The following SNTG2 variants were observed in gnomAD, a reference collection of about 807,000 sequenced individuals.
The protein encoded by SNTG2 is syntrophin gamma 2, also known as gamma-2-syntrophin.
Under a neutral mutation model 70.9 loss-of-function variants are expected in SNTG2, and 74 were observed. The ratio of observed to expected loss-of-function variants is 1.04; its 90% CI spans 0.86 to 1.27. The LOEUF (loss-of-function observed/expected upper bound fraction) is 1.27. Among genes scored for constraint, SNTG2 ranks in the 50% most tolerant of loss-of-function variants. The pLI is 0.00. For synonymous variants in SNTG2, 278 were observed against 273.8 expected, an observed-to-expected ratio of 1.02 and a Z score of -0.15; for missense variants, 717 against 690.7, an observed-to-expected ratio of 1.04 and a Z score of -0.43.
rs558424273 is a variant in SNTG2, at chr2:1,103,322, A to G, written c.325+4912A>G. 214 of 249,972 alleles carry G rather than the reference A, an allele frequency of 8.6e-4. 1 individual carries two copies. The highest frequency in any genetic ancestry group is 1.5e-3 in the Non-Finnish European group (174 of 118,844). The allele number at this position is 249,972 out of a possible 1,614,324, so 15.5% of individuals were successfully genotyped here. A position where few individuals can be genotyped will look rare whatever the true frequency, so the allele number is the denominator to read the frequency against. On this transcript the variant is annotated intron_variant, in intron 4 of 16. Transcript: ENST00000308624. ...TTTTTCTTGACATTAAATATCAATC[A>G]CAAATTTTAATTCTTTCAATTCATT...
chr2:1,209,777 TATTTA>T (rs1376113391), intron 9 of SNTG2, among the ~76,000 whole-genome samples: 1 of 152,256 alleles, frequency 6.6e-6, no homozygotes, highest in Non-Finnish European at 1.5e-5. Context: ...CTAATTGTGC[TATTTA>T]ATTACTGTGG....
rs7608929 is a variant in SNTG2, at chr2:1,164,185, G to A, written c.412-1363G>A. Among the ~76,000 whole-genome samples the A allele has an allele frequency of 8.6e-3, 1,220 of 142,638 alleles. 12 individuals are homozygous for A. The highest frequency in any genetic ancestry group is 0.028 in the African/African-American group (1,087 of 38,666). The allele number at this position is 142,638 out of a possible 152,430, so 93.6% of individuals were successfully genotyped here. A position where few individuals can be genotyped will look rare whatever the true frequency, so the allele number is the denominator to read the frequency against. ...GGATGAAGTGAGGTAGGAACCTGCCGAAATTGTGGGCAGTCTCTGTGTAGA... is the reference window on the plus strand; with the variant it reads ...GGATGAAGTGAGGTAGGAACCTGCCAAAATTGTGGGCAGTCTCTGTGTAGA... On this transcript the variant is annotated intron_variant, in intron 6 of 16. Coordinates refer to ENST00000308624, the MANE Select transcript of SNTG2 (RefSeq NM_018968.4).
chr2:1,235,554 C>G, intron 9 of SNTG2, among the ~76,000 whole-genome samples: 1 of 85,478 alleles, frequency 1.2e-5, no homozygotes, highest in African/African-American at 6.1e-5. Context: ...GCAGGCCCCA[C>G]CAGGCACCCC....
At chr2:1,181,294 A>AT (rs1375657465) in intron 8 of SNTG2, among the ~76,000 whole-genome samples, 5 of 152,172 alleles carry the variant, frequency 3.3e-5, no homozygotes, top group Non-Finnish European at 7.3e-5. Flanking sequence ...CAAAGTGGTA[A>AT]TACTAGCATT....
chr2:1,036,368 C>CA (rs1334397926), intron 1 of SNTG2, among the ~76,000 whole-genome samples: 5 of 151,756 alleles, frequency 3.3e-5, no homozygotes, highest in African/African-American at 1.2e-4. Flanking sequence ...ATTTTTTTCT[C>CA]AAACGTTTAG....
chr2:1,131,172 T>C (rs72766713), intron 4 of SNTG2, among the ~76,000 whole-genome samples: 54,377 of 152,048 alleles, frequency 0.36, 11,652 homozygotes, highest in Non-Finnish European at 0.49. Context: ...GTTAAGATCA[T>C]ACATGCACTG....
chr2:1,209,272 C>G (rs560068704), intron 9 of SNTG2, 42 bp downstream of exon 9: 84 of 1,611,782 alleles, frequency 5.2e-5, no homozygotes, highest in Non-Finnish European at 6.7e-5. Flanking sequence ...TGATGAACCC[C>G]GTGCACTTTT....
chr2:1,033,837 C>G (rs1334556593), intron 1 of SNTG2, among the ~76,000 whole-genome samples: 1 of 152,194 alleles, frequency 6.6e-6, no homozygotes, highest in Non-Finnish European at 1.5e-5. Flanking sequence ...CCAGCCTGTG[C>G]TCCCTGCAAT....
At chr2:1,026,043 T>C (rs1156839638) in intron 1 of SNTG2, among the ~76,000 whole-genome samples, 1 of 152,254 alleles carries the variant, frequency 6.6e-6, no homozygotes, top group Non-Finnish European at 1.5e-5. Flanking sequence ...TGCATGTTTA[T>C]AGAAGTTAAA....
chr2:1,334,820 A>G (rs1659717751), intron 16 of SNTG2, among the ~76,000 whole-genome samples: 1 of 152,126 alleles, frequency 6.6e-6, no homozygotes, highest in African/African-American at 2.4e-5. Context: ...GGAATAAAAG[A>G]CTACACATTG....
intron 7 of SNTG2, 129 bp from the exon 8 acceptor site, chr2:1,172,963 C>A: frequency 2.6e-6 from 2 of 775,338 alleles, no homozygotes; most frequent in East Asian, 2.5e-5. Flanking sequence ...TGACCCAGCC[C>A]ATAACTGGAC....
intron 14 of SNTG2, among the ~76,000 whole-genome samples, chr2:1,269,272 G>C (rs1678901941): frequency 6.6e-6 from 1 of 152,174 alleles, no homozygotes; most frequent in African/African-American, 2.4e-5. Context: ...TGGAGGCTAA[G>C]AAAAGAGGAT....
At chr2:1,259,952 C>T (rs1037308800) in intron 13 of SNTG2, among the ~76,000 whole-genome samples, 3 of 152,202 alleles carry the variant, frequency 2.0e-5, no homozygotes, top group Non-Finnish European at 2.9e-5. Context: ...CAGGCCCCCG[C>T]CCACCTGACT....
chr2:1,194,843 C>T (rs569272525), intron 8 of SNTG2, among the ~76,000 whole-genome samples: 43 of 152,200 alleles, frequency 2.8e-4, no homozygotes, highest in African/African-American at 8.9e-4. Flanking sequence ...CTGCCATCTA[C>T]GTTAGGTATT....
intron 1 of SNTG2, among the ~76,000 whole-genome samples, chr2:969,116 T>C (rs973774886): frequency 2.0e-5 from 3 of 152,222 alleles, no homozygotes; most frequent in African/African-American, 7.2e-5. Context: ...ATTTATTGAA[T>C]TGGAGGGTCC....
At chr2:1,038,640 A>G (rs10166322) in intron 1 of SNTG2, among the ~76,000 whole-genome samples, 43,671 of 152,204 alleles carry the variant, frequency 0.29, 7,390 homozygotes, top group Middle Eastern at 0.42. Flanking sequence ...TTTATCTTCT[A>G]AAGAACTTGC....
rs532196642 is a variant in SNTG2, at chr2:1,306,876, CAGAG to C, written c.1285-1615_1285-1612del. On this transcript the variant is annotated intron_variant, in intron 14 of 16. Transcript: ENST00000308624. ...TGTGTATGCCATGCACTGTGTGTGT[CAGAG>C]AGCTGTGCGCTGTGTGCCCCGCACT... Among the ~76,000 whole-genome samples the C allele has an allele frequency of 2.7e-3, 407 of 151,470 alleles. 2 individuals carry two copies. The highest frequency in any genetic ancestry group is 3.6e-3 in the Non-Finnish European group (243 of 67,868).
chr2:956,164 TGCACCTACC>T (rs1204851896), intron 1 of SNTG2, among the ~76,000 whole-genome samples: 512 of 15,758 alleles, frequency 0.032, 2 homozygotes, highest in Admixed American at 0.066. Flanking sequence ...GCCCCTGCCC[TGCACCTACC>T]CCTGCCCTGC....
chr2:980,275 T>C (rs1661054997), intron 1 of SNTG2, among the ~76,000 whole-genome samples: 2 of 152,142 alleles, frequency 1.3e-5, no homozygotes, highest in African/African-American at 2.4e-5. Flanking sequence ...GCCTCCTCTT[T>C]AAAGGTGAGC....
Sources: gnomAD v4.1 joint callset for allele counts (sites outside exome capture counted in the v4.1 genomes callset) on GRCh38, gnomAD v4.1.1 for gene constraint, MANE v1.5 for transcripts, NCBI Gene and HGNC (gene_info 2026-07-23, HGNC 2026-07-21) for gene names.